The following PTPRK variants were observed in gnomAD, a reference collection of about 807,000 sequenced individuals.
PTPRK encodes receptor-type tyrosine-protein phosphatase kappa.
In PTPRK, 75 loss-of-function variants were observed where a neutral mutation model predicts 178.0. The observed-to-expected ratio is 0.42, with a 90% CI of 0.35 to 0.51. The LOEUF (loss-of-function observed/expected upper bound fraction) is 0.51. PTPRK is among the 20% of genes least tolerant of loss of function. The pLI is 0.02. For synonymous variants in PTPRK, 637 were observed against 620.6 expected, an observed-to-expected ratio of 1.03 and a Z score of -0.39; for missense variants, 1,441 against 1,797.8, an observed-to-expected ratio of 0.80 and a Z score of 3.59.
chr6:127,973,970 G>C (rs1774225726), intron 27 of PTPRK, 143 bp from the exon 28 acceptor site: 1 of 711,050 alleles, frequency 1.4e-6, no homozygotes, highest in Non-Finnish European at 2.1e-6. Context: ...GTACATGCTA[G>C]TAAAAAAACA....
intron 3 of PTPRK, among the ~76,000 whole-genome samples, chr6:128,249,024 A>C (rs1213343283): frequency 6.6e-6 from 1 of 152,122 alleles, no homozygotes; most frequent in Non-Finnish European, 1.5e-5. Flanking sequence ...AGTAAGAGGA[A>C]ATGAGAAGAT....
chr6:128,145,276 G>GTAATAA (rs144319768), intron 7 of PTPRK, among the ~76,000 whole-genome samples: 6 of 151,352 alleles, frequency 4.0e-5, no homozygotes, highest in African/African-American at 1.5e-4. Flanking sequence ...AGACACACAC[G>GTAATAA]TAATAATAAT....
chr6:128,140,486 T>C lies in PTPRK; in HGVS notation c.1162+43946A>G, dbSNP rs904615273. Among the ~76,000 whole-genome samples, 4 of 152,128 alleles carry C rather than the reference T, an allele frequency of 2.6e-5. No individual in the cohort carries two copies. The South Asian group carries it at 8.3e-4, about 32-fold the overall frequency. On this transcript the variant is annotated intron_variant, in intron 7 of 29. Coordinates refer to ENST00000368226, the MANE Select transcript of PTPRK (RefSeq NM_002844.4). ...GGTCCATCCCTAGCTTGAATTGTTA[T>C]AGTGTCTTTAGTTCCCTGATTCTTG...
intron 19 of PTPRK, 90 bp from the exon 20 acceptor site, chr6:127,991,481 A>C: frequency 1.1e-6 from 1 of 898,878 alleles, no homozygotes; most frequent in South Asian, 3.0e-5. Context: ...GAGTAAACTA[A>C]GTAATTCCAA....
At chr6:128,082,713 G>T in intron 9 of PTPRK, 75 bp from the exon 10 acceptor site, 1 of 1,172,066 alleles carries the variant, frequency 8.5e-7, no homozygotes, top group South Asian at 1.7e-5. Context: ...GTATAAATAA[G>T]GTAGTATGCA....
At chr6:127,971,503 A>C (rs1350781625) in intron 29 of PTPRK, among the ~76,000 whole-genome samples, 3 of 152,046 alleles carry the variant, frequency 2.0e-5, no homozygotes, top group Non-Finnish European at 4.4e-5. Flanking sequence ...TGTGCCTAGA[A>C]ATAGTTATGT....
Position 127,998,847 on chromosome 6 carries a change from A to G in PTPRK, c.2552T>C (p.Leu851Pro). The change falls in exon 16 of 30, where the codon CTC becomes CCC. Residue 851 changes from leucine (L) to proline (P), a missense_variant. Transcript: ENST00000368226. The part of the protein sequence containing the change: ...SSRLLDVPRY[L>P]CEGTESPYQT... ...GTAAGGGGATTCCGTCCCCTCACAGAGGTAGCGAGGTACGTCTAGAAGGCG... is the reference window on the plus strand; with the variant it reads ...GTAAGGGGATTCCGTCCCCTCACAGGGGTAGCGAGGTACGTCTAGAAGGCG... 6.2e-7 allele frequency: 1 copy of G among 1,605,312 alleles called. No individual in the cohort carries two copies. Among genetic ancestry groups the G allele is most frequent in the Non-Finnish European group, 8.5e-7 (1 of 1,174,428 alleles).
chr6:128,149,750 T>C (rs1797002288), intron 7 of PTPRK, among the ~76,000 whole-genome samples: 1 of 152,200 alleles, frequency 6.6e-6, no homozygotes, highest in East Asian at 1.9e-4. Context: ...TCTATTTTGA[T>C]ATATGGAAGC....
At chr6:128,211,791 T>C (rs1808236672) in intron 6 of PTPRK, among the ~76,000 whole-genome samples, 1 of 152,112 alleles carries the variant, frequency 6.6e-6, no homozygotes, top group East Asian at 1.9e-4. Context: ...CTGCTATTAA[T>C]GACTCTCTTG....
intron 6 of PTPRK, among the ~76,000 whole-genome samples, chr6:128,197,110 A>T (rs1804987845): frequency 6.6e-6 from 1 of 151,970 alleles, no homozygotes; most frequent in East Asian, 1.9e-4. Context: ...AGAGATCTCC[A>T]TATTGTAACT....
chr6:128,428,411 A>T (rs1336499605), intron 1 of PTPRK, among the ~76,000 whole-genome samples: 1 of 152,202 alleles, frequency 6.6e-6, no homozygotes, highest in Non-Finnish European at 1.5e-5. Context: ...CAGTAAATAT[A>T]TATTAAATGT....
intron 6 of PTPRK, among the ~76,000 whole-genome samples, chr6:128,205,747 G>T (rs1275029127): frequency 9.0e-6 from 1 of 111,562 alleles, no homozygotes; most frequent in African/African-American, 3.6e-5. Flanking sequence ...CTCTAGCCTG[G>T]ACAACACAGT....
intron 1 of PTPRK, among the ~76,000 whole-genome samples, chr6:128,430,865 A>G (rs1459388436): frequency 6.6e-6 from 1 of 152,182 alleles, no homozygotes; most frequent in Non-Finnish European, 1.5e-5. Flanking sequence ...GTGTCTTCCA[A>G]AAAGAACAAG....
chr6:128,027,766 T>G (rs1373903832), intron 13 of PTPRK: 4 of 152,248 alleles, frequency 2.6e-5, no homozygotes, highest in Non-Finnish European at 5.9e-5. Context: ...GACTAATTTT[T>G]GTTTTTAGTA....
chr6:128,115,039 C>A (rs1187737601), intron 7 of PTPRK, among the ~76,000 whole-genome samples: 1 of 151,934 alleles, frequency 6.6e-6, no homozygotes, highest in East Asian at 1.9e-4. Flanking sequence ...AAATGCAATC[C>A]CATTATGTCA....
rs10622564 is a variant in PTPRK at position 128,249,298 on chromosome 6, T to TAAA, written c.496-6699_496-6697dup. ...TCAAAATCTATCATGTGGTGTGATT[T>TAAA]AAAAAAAAAAAAAAACAGTATTTTT... On this transcript the variant is annotated intron_variant, in intron 3 of 29. Coordinates refer to ENST00000368226, the MANE Select transcript of PTPRK (RefSeq NM_002844.4). Among the ~76,000 whole-genome samples the TAAA allele has an allele frequency of 5.3e-3, 705 of 132,826 alleles. 12 individuals carry two copies. The highest frequency in any genetic ancestry group is 0.018 in the African/African-American group (670 of 36,728). The allele number at this position is 132,826 out of a possible 152,430, so 87.1% of individuals were successfully genotyped here. A position where few individuals can be genotyped will look rare whatever the true frequency, so the allele number is the denominator to read the frequency against.
At chr6:128,102,753 G>T (rs937070914) in intron 7 of PTPRK, among the ~76,000 whole-genome samples, 1 of 152,156 alleles carries the variant, frequency 6.6e-6, no homozygotes, top group African/African-American at 2.4e-5. Context: ...TTTCTAATGA[G>T]TATCTCAAAC....
intron 2 of PTPRK, among the ~76,000 whole-genome samples, chr6:128,355,762 G>A (rs866346245): frequency 1.2e-4 from 18 of 151,998 alleles, no homozygotes; most frequent in Admixed American, 3.9e-4. Context: ...AAACCTGCAC[G>A]TTGTGCACAT....
intron 2 of PTPRK, among the ~76,000 whole-genome samples, chr6:128,343,868 T>G (rs1349618096): frequency 6.6e-6 from 1 of 152,192 alleles, no homozygotes; most frequent in African/African-American, 2.4e-5. Context: ...AAGAAACATC[T>G]GCAATTTTGT....
Sources: allele counts gnomAD v4.1 joint callset (sites outside exome capture counted in the v4.1 genomes callset), GRCh38; gene constraint gnomAD v4.1.1; transcripts MANE v1.5; gene names NCBI Gene and HGNC (gene_info 2026-07-23, HGNC 2026-07-21).